Variants in TGFBR3 observed in about 807,000 individuals in gnomAD.
TGFBR3 encodes transforming growth factor beta receptor type 3.
In TGFBR3, 46 loss-of-function variants were observed where a neutral mutation model predicts 87.9. The observed-to-expected ratio is 0.52, with a 90% confidence interval of 0.41 to 0.67. The LOEUF (loss-of-function observed/expected upper bound fraction) is 0.67. Among genes scored for constraint, TGFBR3 ranks in the 30% least tolerant of loss-of-function variants. The pLI, the probability that TGFBR3 is intolerant of heterozygous loss-of-function variation, is 0.00. For synonymous variants in TGFBR3, 381 were observed against 391.6 expected (o/e 0.97, Z 0.32); for missense variants, 866 against 1,041.9 (o/e 0.83, Z 2.32).
intron 7 of TGFBR3, among the ~76,000 whole-genome samples, chr1:91,723,432 A>G (rs1542704): frequency 0.29 from 42,145 of 144,780 alleles, 6,219 homozygotes; most frequent in Middle Eastern, 0.38. Context: ...AGTAAGCTAT[A>G]GTCATGCCAC....
At chr1:91,688,749 C>T (rs1238632480) in intron 16 of TGFBR3, among the ~76,000 whole-genome samples, 2 of 152,134 alleles carry the variant, frequency 1.3e-5, no homozygotes, top group Non-Finnish European at 2.9e-5. Context: ...AAGTCAAGCG[C>T]ATACCCAAAA....
At chr1:91,845,718 A>G (rs564519676) in intron 2 of TGFBR3, among the ~76,000 whole-genome samples, 136 of 152,228 alleles carry the variant, frequency 8.9e-4, no homozygotes, top group African/African-American at 3.1e-3. Flanking sequence ...TCAAATGAAG[A>G]TTTTTTTAAA....
chr1:91,731,700 G>A (rs1333039759), intron 5 of TGFBR3, among the ~76,000 whole-genome samples: 2 of 152,210 alleles, frequency 1.3e-5, no homozygotes, highest in East Asian at 3.9e-4. Flanking sequence ...GGGCCCTCCT[G>A]GGATTGTGGC....
chr1:91,686,783 C>G (rs139712152), intron 16 of TGFBR3, among the ~76,000 whole-genome samples: 3 of 152,312 alleles, frequency 2.0e-5, no homozygotes, highest in Non-Finnish European at 4.4e-5. Flanking sequence ...GGAGCACCAA[C>G]TTTCTCTAAA....
intron 2 of TGFBR3, among the ~76,000 whole-genome samples, chr1:91,815,320 A>AAACTAAACTAAACTAAACTAAACTAAACT (rs1676181312): frequency 4.1e-5 from 5 of 123,430 alleles, no homozygotes; most frequent in Non-Finnish European, 5.2e-5. Flanking sequence ...ATAAAATAAA[A>AAACTAAACTAAACTAAACTAAACTAAACT]TAAAATAAAA....
chr1:91,889,378 C>T (rs551007292), upstream of TGFBR3, among the ~76,000 whole-genome samples: 130 of 152,282 alleles, frequency 8.5e-4, no homozygotes, highest in Admixed American at 2.3e-3. Flanking sequence ...AAGTCCTTAA[C>T]CACCAGGTTC....
chr1:91,770,845 A>G (rs958787816), intron 3 of TGFBR3: 2 of 152,100 alleles, frequency 1.3e-5, no homozygotes, highest in African/African-American at 4.8e-5. Flanking sequence ...TACTTACCAC[A>G]CCCCTTTTCT....
rs1259637181 is a variant in TGFBR3 at position 91,729,831 on chromosome 1, T to A, written c.711A>T (p.Leu237=). The A allele has an allele frequency of 6.2e-7, 1 of 1,614,186 alleles. No individual in the cohort carries two copies. Among genetic ancestry groups the A allele is most frequent in the East Asian group, 2.2e-5 (1 of 44,872 alleles). The change falls in exon 6 of 17, where the codon CTA becomes CTT. Residue 237 remains leucine (L), a synonymous_variant. Transcript: ENST00000212355. ...PQNEEVHIIE[L]ITPNSNPYSA... Reference sequence around the variant, plus strand: ...TGTAGGGGTTAGAGTTGGGGGTGATTAGCTCGATGATGTGTACTTCCTCAT... The same window carrying A: ...TGTAGGGGTTAGAGTTGGGGGTGATAAGCTCGATGATGTGTACTTCCTCAT...
chr1:91,881,838 G>A (rs960572468), intron 1 of TGFBR3, among the ~76,000 whole-genome samples: 3 of 152,008 alleles, frequency 2.0e-5, no homozygotes, highest in Admixed American at 1.3e-4. Flanking sequence ...AGGAGATCAA[G>A]ACCATCGGGG....
At position 91,813,289 on chromosome 1, in the gene TGFBR3, T is replaced by C. The variant is rs79749688; in HGVS notation, c.62-15818A>G. Among the ~76,000 whole-genome samples the C allele has an allele frequency of 9.7e-4, 148 of 152,352 alleles. 3 individuals carry two copies. The East Asian group carries it at 0.025, about 26-fold the overall frequency. On this transcript the variant is annotated intron_variant, in intron 2 of 16. Coordinates refer to ENST00000212355, the MANE Select transcript of TGFBR3 (RefSeq NM_003243.5). ...TTAAGCTTATGCACTAAAGGTGAAC[T>C]GTTGGGAATTTAGTTCACAACAAAA...
intron 13 of TGFBR3, among the ~76,000 whole-genome samples, chr1:91,710,205 T>C (rs1671931485): frequency 6.6e-6 from 1 of 152,198 alleles, no homozygotes; most frequent in African/African-American, 2.4e-5. Context: ...CTTGCTGTCA[T>C]TGCTGCTCTG....
At chr1:91,857,220 G>A (rs548344650) in intron 2 of TGFBR3, among the ~76,000 whole-genome samples, 20 of 152,268 alleles carry the variant, frequency 1.3e-4, no homozygotes, top group Non-Finnish European at 2.4e-4. Flanking sequence ...GATGGAAGAA[G>A]AGAGCATCCA....
intron 1 of TGFBR3, among the ~76,000 whole-genome samples, chr1:91,865,215 AAAAAG>A (rs1678348506): frequency 1.3e-5 from 2 of 151,432 alleles, no homozygotes; most frequent in African/African-American, 4.9e-5. Context: ...AAAAAAAAAA[AAAAAG>A]AAAAAAAGAA....
At chr1:91,852,178 G>T (rs202196211) in intron 2 of TGFBR3, among the ~76,000 whole-genome samples, 1 of 152,112 alleles carries the variant, frequency 6.6e-6, no homozygotes, top group Non-Finnish European at 1.5e-5. Context: ...GAGCCCAGGA[G>T]GCCAAGGCTG....
At chr1:91,713,891 G>A (rs7524679) in intron 12 of TGFBR3, among the ~76,000 whole-genome samples, 10,718 of 152,088 alleles carry the variant, frequency 0.07, 407 homozygotes, top group Non-Finnish European at 0.088. Context: ...GTGTAACAGA[G>A]GGACTGCAAA....
intron 5 of TGFBR3, among the ~76,000 whole-genome samples, chr1:91,732,853 T>A (rs1235145762): frequency 2.0e-5 from 3 of 152,108 alleles, no homozygotes; most frequent in Non-Finnish European, 4.4e-5. Flanking sequence ...GCTCTCAGGG[T>A]AAGTGACTAC....
At chr1:91,861,770 CA>C (rs1678205102) in intron 1 of TGFBR3, 126 bp from the exon 2 acceptor site, 2 of 540,398 alleles carry the variant, frequency 3.7e-6, no homozygotes, top group African/African-American at 3.8e-5. Context: ...TGCAAAATAG[CA>C]CTCAAGCAAA....
intron 3 of TGFBR3, among the ~76,000 whole-genome samples, chr1:91,759,373 C>A: frequency 8.7e-6 from 1 of 115,122 alleles, no homozygotes. Flanking sequence ...TGATTGTATA[C>A]AGCCCCTGTC....
intron 14 of TGFBR3, among the ~76,000 whole-genome samples, chr1:91,706,344 A>G (rs1671799742): frequency 6.6e-6 from 1 of 152,216 alleles, no homozygotes; most frequent in African/African-American, 2.4e-5. Flanking sequence ...AAGCCAGCCG[A>G]AACTGGCCAA....
Sources: allele counts gnomAD v4.1 joint callset (sites outside exome capture counted in the v4.1 genomes callset), GRCh38; gene constraint gnomAD v4.1.1; transcripts MANE v1.5; gene names NCBI Gene and HGNC (gene_info 2026-07-23, HGNC 2026-07-21).